The following ATP9B variants were observed in gnomAD, a reference collection of about 807,000 sequenced individuals.
ATP9B encodes the protein ATPase phospholipid transporting 9B, also known as probable phospholipid-transporting ATPase IIB.
ATP9B carries 110 observed loss-of-function variants against 146.1 expected under a neutral mutation model. That is an observed-to-expected ratio of 0.75 (90% confidence interval 0.65 to 0.88). ATP9B has a LOEUF of 0.88. Among genes scored for constraint, ATP9B ranks in the 40% least tolerant of loss-of-function variants. The pLI is 0.00. For missense variants in ATP9B, 1,499 were observed against 1,496.4 expected, an observed-to-expected ratio of 1.00 and a Z score of -0.03; for synonymous variants, 604 against 569.7, an observed-to-expected ratio of 1.06 and a Z score of -0.86.
At chr18:79,344,174 C>A in intron 20 of ATP9B, 91 bp from the exon 21 acceptor site, 2 of 1,181,690 alleles carry the variant, frequency 1.7e-6, no homozygotes, top group Non-Finnish European at 2.5e-6. Flanking sequence ...CCAGAACATT[C>A]CACTGTGACT....
chr18:79,266,853 T>TGTA (rs1006734867), intron 12 of ATP9B, among the ~76,000 whole-genome samples: 3 of 152,142 alleles, frequency 2.0e-5, no homozygotes, highest in African/African-American at 7.2e-5. Flanking sequence ...CATTTACTTG[T>TGTA]ATTTTCTGTG....
chr18:79,092,624 T>A (rs920851954), intron 1 of ATP9B, among the ~76,000 whole-genome samples: 7 of 151,294 alleles, frequency 4.6e-5, no homozygotes, highest in South Asian at 2.1e-4. Flanking sequence ...TTTAAAAAAA[T>A]TTATTTTTAC....
intron 1 of ATP9B, among the ~76,000 whole-genome samples, chr18:79,088,448 GT>G (rs1266209373): frequency 2.0e-5 from 3 of 152,170 alleles, no homozygotes; most frequent in Non-Finnish European, 4.4e-5. Flanking sequence ...TATTATTAAT[GT>G]TTTAGTCTGT....
Position 79,276,498 on chromosome 18 carries a change from C to T in ATP9B, c.1269-556C>T, listed in dbSNP as rs143090749. Among the ~76,000 whole-genome samples the T allele has an allele frequency of 2.0e-5, 3 of 152,352 alleles. No homozygotes were observed. In the East Asian group the frequency reaches 5.8e-4, roughly 29 times the overall value. On this transcript the variant is annotated intron_variant, in intron 12 of 29. Coordinates refer to ENST00000426216, the MANE Select transcript of ATP9B (RefSeq NM_198531.5). ...GAAACACGGGAAATATCCCATTGGT[C>T]ATGGTAAAACAAGTGGATAAACCTT...
At position 79,216,644 on chromosome 18, in the gene ATP9B, C is replaced by G. The variant is rs1315824220; in HGVS notation, c.1107+2606C>G. ...TTCTGTACTGTCAGCTACCACGTGGCCTAGAAATTCTTCCAGTTTCCGCTG... is the reference window on the plus strand; with the variant it reads ...TTCTGTACTGTCAGCTACCACGTGGGCTAGAAATTCTTCCAGTTTCCGCTG... On this transcript the variant is annotated intron_variant, in intron 11 of 29. Transcript: ENST00000426216. 2.0e-5 allele frequency among the ~76,000 whole-genome samples: 3 copies of G among 152,250 alleles called. No individual in the cohort carries two copies. In the East Asian group the frequency reaches 5.8e-4, roughly 29 times the overall value.
intron 13 of ATP9B, among the ~76,000 whole-genome samples, chr18:79,288,855 A>T (rs1324741273): frequency 6.6e-6 from 1 of 151,886 alleles, no homozygotes; most frequent in Non-Finnish European, 1.5e-5. Context: ...AAAGTATTTT[A>T]TTTCTCCTTC....
At chr18:79,267,519 T>G (rs1043228627) in intron 12 of ATP9B, among the ~76,000 whole-genome samples, 3 of 152,104 alleles carry the variant, frequency 2.0e-5, no homozygotes, top group East Asian at 1.9e-4. Context: ...AAGTACTACT[T>G]TGGTTGCATT....
chr18:79,108,908 A>G (rs1444413917), intron 2 of ATP9B, among the ~76,000 whole-genome samples: 2 of 152,234 alleles, frequency 1.3e-5, no homozygotes, highest in African/African-American at 2.4e-5. Flanking sequence ...CATAAATTCA[A>G]ATACTGAAAC....
At chr18:79,070,787 A>G (rs1599273723) in intron 1 of ATP9B, among the ~76,000 whole-genome samples, 1 of 151,986 alleles carries the variant, frequency 6.6e-6, no homozygotes, top group Admixed American at 6.5e-5. Context: ...TCTTTGCTCT[A>G]AAATCTTTAT....
At chr18:79,188,889 ATTTTT>A (rs5826625) in intron 8 of ATP9B, among the ~76,000 whole-genome samples, 2 of 144,026 alleles carry the variant, frequency 1.4e-5, no homozygotes, top group South Asian at 4.3e-4. Context: ...GCTTTTTAGC[ATTTTT>A]TTTTTTTTTA....
intron 25 of ATP9B, among the ~76,000 whole-genome samples, chr18:79,351,193 T>TA (rs755468426): frequency 3.9e-5 from 6 of 152,264 alleles, no homozygotes; most frequent in Non-Finnish European, 7.3e-5. Flanking sequence ...TTTCATATTT[T>TA]AAAAATCATG....
At chr18:79,283,296 T>C (rs2096399268) in intron 13 of ATP9B, among the ~76,000 whole-genome samples, 1 of 152,148 alleles carries the variant, frequency 6.6e-6, no homozygotes, top group Non-Finnish European at 1.5e-5. Flanking sequence ...AGAGGAGGCA[T>C]GTTGAGCCAT....
intron 13 of ATP9B, among the ~76,000 whole-genome samples, chr18:79,278,875 A>G (rs2096344618): frequency 6.6e-6 from 1 of 152,182 alleles, no homozygotes; most frequent in Non-Finnish European, 1.5e-5. Flanking sequence ...ATACACAGAA[A>G]ACAAGCAGGA....
At chr18:79,279,580 A>G (rs2096354342) in intron 13 of ATP9B, among the ~76,000 whole-genome samples, 1 of 152,244 alleles carries the variant, frequency 6.6e-6, no homozygotes, top group Non-Finnish European at 1.5e-5. Flanking sequence ...TAAATTCAGC[A>G]GCAATTCTGT....
At chr18:79,293,535 G>C (rs529439789) in intron 13 of ATP9B, among the ~76,000 whole-genome samples, 1 of 152,330 alleles carries the variant, frequency 6.6e-6, no homozygotes, top group East Asian at 1.9e-4. Context: ...GGGGCGGCCT[G>C]CAGTGCCTCA....
At chr18:79,273,156 A>T (rs568857391) in intron 12 of ATP9B, among the ~76,000 whole-genome samples, 2 of 152,340 alleles carry the variant, frequency 1.3e-5, no homozygotes, top group South Asian at 4.1e-4. Flanking sequence ...GGGAGGAAGT[A>T]GGAATGTTAA....
intron 7 of ATP9B, among the ~76,000 whole-genome samples, chr18:79,173,432 G>GTTT (rs111326430): frequency 1.4e-5 from 2 of 140,396 alleles, no homozygotes; most frequent in East Asian, 4.1e-4. Context: ...TCTTGTGGTG[G>GTTT]TTTTTTTTTT....
chr18:79,330,068 T>G lies in ATP9B; in HGVS notation c.1992T>G (p.Ser664=). Residue 664 remains serine, a synonymous_variant, in exon 17 of 30, where the codon TCT becomes TCG. Transcript: ENST00000426216. ...FYMKGADVAM[S]PIVQYNDWLE... Reference sequence around the variant, plus strand: ...TGAAGGGCGCTGACGTGGCCATGTCTCCTATCGTGCAGTATAATGACTGGC... The same window carrying G: ...TGAAGGGCGCTGACGTGGCCATGTCGCCTATCGTGCAGTATAATGACTGGC... 1 of 1,614,176 alleles carries G rather than the reference T, an allele frequency of 6.2e-7. No individual in the cohort carries two copies. The highest frequency in any genetic ancestry group is 8.5e-7 in the Non-Finnish European group (1 of 1,180,006).
intron 1 of ATP9B, among the ~76,000 whole-genome samples, chr18:79,086,936 A>AT (rs1399224920): frequency 6.6e-6 from 1 of 152,080 alleles, no homozygotes; most frequent in Non-Finnish European, 1.5e-5. Flanking sequence ...CTGCTGGGTT[A>AT]TTTATTTATT....
Sources: gnomAD v4.1 joint callset for allele counts (sites outside exome capture counted in the v4.1 genomes callset) on GRCh38, gnomAD v4.1.1 for gene constraint, MANE v1.5 for transcripts, NCBI Gene and HGNC (gene_info 2026-07-23, HGNC 2026-07-21) for gene names.